Variants in RELL1 observed in about 807,000 individuals in gnomAD.
RELL1 encodes the protein RELT like 1, also known as RELT-like protein 1.
Under a neutral mutation model 23.0 loss-of-function variants are expected in RELL1, and 10 were observed. The ratio of observed to expected loss-of-function variants is 0.43; its 90% CI spans 0.27 to 0.74. The LOEUF (loss-of-function observed/expected upper bound fraction) is 0.74, where lower values mean the gene tolerates loss of function less well. Among genes scored for constraint, RELL1 ranks in the 30% least tolerant of loss-of-function variants. The pLI is 0.19. For synonymous variants in RELL1, 146 were observed against 146.8 expected (o/e 0.99, Z 0.04); for missense variants, 315 against 364.4 (o/e 0.86, Z 1.10).
At chr4:37,654,283 C>T (rs1417067178) in intron 1 of RELL1, among the ~76,000 whole-genome samples, 1 of 152,180 alleles carries the variant, frequency 6.6e-6, no homozygotes, top group East Asian at 1.9e-4. Flanking sequence ...ATCTCAAGTG[C>T]CCAGTGGCCA....
At chr4:37,630,210 T>C (rs1163108896) in intron 6 of RELL1, among the ~76,000 whole-genome samples, 2 of 150,198 alleles carry the variant, frequency 1.3e-5, no homozygotes, top group Non-Finnish European at 3.0e-5. Context: ...GCATGATCCC[T>C]CCCAAATCGT....
chr4:37,677,006 G>A (rs997328006), intron 1 of RELL1, among the ~76,000 whole-genome samples: 10 of 152,268 alleles, frequency 6.6e-5, no homozygotes, highest in East Asian at 5.8e-4. Flanking sequence ...ACAGGACACC[G>A]AACCTTTCTG....
chr4:37,635,005 C>G lies in RELL1; in HGVS notation c.562G>C (p.Glu188Gln). The change falls in exon 5 of 7, where the codon GAG becomes CAG. Residue 188 changes from glutamate (E) to glutamine (Q), a missense_variant. Coordinates refer to ENST00000454158, the MANE Select transcript of RELL1 (RefSeq NM_001085400.2). The stretch of plus-strand genomic sequence containing the variant: ...CTACACCGATGACACACATCCCTCT[C>G]GACAACACCGCCCACCGTATGCAGA... The part of the protein sequence containing the change: ...HHLHTVGGVV[E>Q]RDVCHRCRHK... The G allele has an allele frequency of 6.2e-7, 1 of 1,614,188 alleles. No individual in the cohort carries two copies. The highest frequency in any genetic ancestry group is 8.5e-7 in the Non-Finnish European group (1 of 1,180,042).
Position 37,647,419 on chromosome 4 carries a change from C to A in RELL1, c.334G>T (p.Glu112Ter). The change falls in exon 3 of 7, where the codon GAA becomes TAA. Residue 112 changes from glutamate (E) to a stop codon, truncating the protein, a stop_gained. Coordinates refer to ENST00000454158, the MANE Select transcript of RELL1 (RefSeq NM_001085400.2). LOFTEE classifies it high-confidence loss of function. ...EKIELNDSVN[E>*]NSDTVGQIVH... ...ATTTGCCCAACAGTGTCACTGTTTT[C>A]ATTCACACTGTCATTCAATTCTGAA... The A allele has an allele frequency of 6.2e-7, 1 of 1,612,492 alleles. No homozygotes were observed. The highest frequency in any genetic ancestry group is 8.5e-7 in the Non-Finnish European group (1 of 1,178,568).
intron 1 of RELL1, among the ~76,000 whole-genome samples, chr4:37,668,971 TCTGCCCGGCCAG>T (rs1721656749): frequency 6.7e-6 from 1 of 149,370 alleles, no homozygotes; most frequent in Non-Finnish European, 1.5e-5. Flanking sequence ...GAGGAGCCCC[TCTGCCCGGCCAG>T]CCGCCCCATC....
chr4:37,599,434 A>G (rs1718960987), intron 6 of RELL1, among the ~76,000 whole-genome samples: 1 of 152,100 alleles, frequency 6.6e-6, no homozygotes, highest in African/African-American at 2.4e-5. Flanking sequence ...GGTGATGAAG[A>G]AACTGTATTC....
At chr4:37,656,684 T>C (rs1481543502) in intron 1 of RELL1, among the ~76,000 whole-genome samples, 1 of 152,234 alleles carries the variant, frequency 6.6e-6, no homozygotes, top group Non-Finnish European at 1.5e-5. Context: ...GTTAACGTTG[T>C]TCTCACAGAA....
intron 1 of RELL1, among the ~76,000 whole-genome samples, chr4:37,668,350 C>T (rs529711658): frequency 6.6e-6 from 1 of 152,302 alleles, no homozygotes; most frequent in South Asian, 2.1e-4. Flanking sequence ...CGAGTGCCTG[C>T]GATTGTAGGC....
At chr4:37,670,879 T>C (rs1236029308) in intron 1 of RELL1, among the ~76,000 whole-genome samples, 1 of 152,204 alleles carries the variant, frequency 6.6e-6, no homozygotes, top group Non-Finnish European at 1.5e-5. Flanking sequence ...GCCGCCCCAC[T>C]AAATCTTTTA....
At chr4:37,643,391 T>C (rs1720591830) in intron 3 of RELL1, among the ~76,000 whole-genome samples, 1 of 152,210 alleles carries the variant, frequency 6.6e-6, no homozygotes, top group Admixed American at 6.5e-5. Flanking sequence ...ACAAGAATGT[T>C]ACCATGAGTA....
rs1395712513 is a variant in RELL1 at position 37,634,927 on chromosome 4, G to T, written c.640C>A (p.Pro214Thr). Residue 214 changes from proline (P) to threonine (T), a missense_variant, in exon 5 of 7, where the codon CCA (proline) becomes ACA (threonine). Coordinates refer to ENST00000454158, the MANE Select transcript of RELL1 (RefSeq NM_001085400.2). The part of the protein sequence containing the change: ...KPTNKSRESR[P>T]RRQGEVTVLS... ...ACCGTGACCTCGCCTTGGCGCCGTGGTCTGCTCTCTCTGGACTTGTTAGTG... is the reference window on the plus strand; with the variant it reads ...ACCGTGACCTCGCCTTGGCGCCGTGTTCTGCTCTCTCTGGACTTGTTAGTG... The T allele has an allele frequency of 5.0e-6, 8 of 1,614,158 alleles. No homozygotes were observed. The highest frequency in any genetic ancestry group is 5.9e-6 in the Non-Finnish European group (7 of 1,180,062).
intron 4 of RELL1, among the ~76,000 whole-genome samples, chr4:37,637,696 G>C (rs574375496): frequency 1.4e-3 from 207 of 152,322 alleles, no homozygotes; most frequent in Middle Eastern, 3.4e-3. Context: ...TGGATGTCCA[G>C]CTCCAGAGCA....
intron 6 of RELL1, among the ~76,000 whole-genome samples, chr4:37,596,855 T>G (rs1718876801): frequency 6.8e-6 from 1 of 146,926 alleles, no homozygotes; most frequent in African/African-American, 2.5e-5. Flanking sequence ...TTCAAGCGAT[T>G]CTCCTGCCTC....
chr4:37,665,326 A>G (rs774219017), intron 1 of RELL1: 2 of 456,264 alleles, frequency 4.4e-6, no homozygotes, highest in Non-Finnish European at 8.8e-6. Context: ...TGAAGGATGT[A>G]AATATACCAG....
chr4:37,677,614 G>A (rs1415521027), intron 1 of RELL1, among the ~76,000 whole-genome samples: 1 of 152,224 alleles, frequency 6.6e-6, no homozygotes, highest in Non-Finnish European at 1.5e-5. Flanking sequence ...ATCTTCCAAA[G>A]TTCTTCCAGA....
chr4:37,590,930 C>A (rs1268768457), exon 7 of RELL1: 2 of 1,614,174 alleles, frequency 1.2e-6, no homozygotes, highest in East Asian at 2.2e-5. Flanking sequence ...GACGAGGATG[C>A]AGCGGTGGCG....
At chr4:37,668,343 G>C (rs1422236792) in intron 1 of RELL1, among the ~76,000 whole-genome samples, 2 of 152,126 alleles carry the variant, frequency 1.3e-5, no homozygotes, top group South Asian at 2.1e-4. Context: ...AGCCTGCCGA[G>C]TGCCTGCGAT....
intron 1 of RELL1, among the ~76,000 whole-genome samples, chr4:37,658,081 A>T (rs752717717): frequency 2.0e-5 from 3 of 152,154 alleles, no homozygotes; most frequent in African/African-American, 7.2e-5. Context: ...AAGCAATGAC[A>T]TCTGTTGGTA....
intron 1 of RELL1, among the ~76,000 whole-genome samples, chr4:37,654,071 G>A (rs1231939271): frequency 1.3e-5 from 2 of 152,232 alleles, no homozygotes; most frequent in Non-Finnish European, 2.9e-5. Context: ...TGGTGTCACT[G>A]TGAAGATTAA....
Sources: allele counts gnomAD v4.1 joint callset (sites outside exome capture counted in the v4.1 genomes callset), GRCh38; gene constraint gnomAD v4.1.1; transcripts MANE v1.5; gene names NCBI Gene and HGNC (gene_info 2026-07-23, HGNC 2026-07-21).